DROSHA: variants seen among roughly 807,000 people sequenced by gnomAD.
DROSHA encodes the protein drosha ribonuclease III, also known as ribonuclease 3.
In DROSHA, 56 loss-of-function variants were observed where a neutral mutation model predicts 181.9. The ratio of observed to expected loss-of-function variants is 0.31; its 90% confidence interval spans 0.25 to 0.38. DROSHA has a LOEUF of 0.38. Among genes scored for constraint, DROSHA ranks in the 10% least tolerant of loss-of-function variants. The probability of loss-of-function intolerance (pLI) is 1.00; values close to 1 mark genes in which losing one functional copy is unlikely to be tolerated. For missense variants in DROSHA, 1,218 were observed against 1,743.5 expected (o/e 0.70, Z 5.37); for synonymous variants, 524 against 591.2 (o/e 0.89, Z 1.65).
chr5:31,480,178 G>GTATATCTATATATATATATATATA (rs1750858050), intron 16 of DROSHA, among the ~76,000 whole-genome samples: 1 of 84,870 alleles, frequency 1.2e-5, no homozygotes. Context: ...GGCAATGTCA[G>GTATATCTATATATATATATATATA]TATATATATA....
chr5:31,513,711 A>C (rs1738950924), intron 8 of DROSHA, among the ~76,000 whole-genome samples: 2 of 152,086 alleles, frequency 1.3e-5, no homozygotes, highest in Admixed American at 1.3e-4. Flanking sequence ...TCCAAATAAC[A>C]CAACTCTCTC....
chr5:31,495,063 C>T (rs1429970504), intron 12 of DROSHA, among the ~76,000 whole-genome samples: 2 of 152,040 alleles, frequency 1.3e-5, no homozygotes, highest in Non-Finnish European at 2.9e-5. Context: ...ATGAATTTGG[C>T]TATTAAGTGA....
rs1180769602 is a variant in DROSHA, at chr5:31,406,712, T to G, written c.3947+141A>C. ...CAATTAATGTGGGGACATTAATTCC[T>G]GGAATTCACTTTGCTACTACTCTTG... On this transcript the variant is annotated intron_variant, in intron 34 of 35. Transcript: ENST00000344624. 3 of 724,160 alleles carry G rather than the reference T, an allele frequency of 4.1e-6. No individual in the cohort carries two copies. In the African/African-American group the frequency reaches 5.4e-5, roughly 13 times the overall value. 44.9% of individuals were successfully genotyped at this position (724,160 alleles called of 1,614,324 possible).
At chr5:31,481,569 A>C (rs775286020) in intron 16 of DROSHA, among the ~76,000 whole-genome samples, 2 of 152,228 alleles carry the variant, frequency 1.3e-5, no homozygotes, top group Non-Finnish European at 2.9e-5. Context: ...CATTCACCAG[A>C]AGAGAAGAAA....
intron 24 of DROSHA, 59 bp downstream of exon 24, chr5:31,437,180 T>C (rs1009346413): frequency 6.7e-7 from 1 of 1,493,696 alleles, no homozygotes; most frequent in African/African-American, 1.4e-5. Context: ...ATGTAATAAG[T>C]ATGTTACCTA....
At chr5:31,433,181 C>G (rs637695) in intron 25 of DROSHA, among the ~76,000 whole-genome samples, 44,097 of 151,972 alleles carry the variant, frequency 0.29, 7,996 homozygotes, top group East Asian at 0.51. Context: ...ATTGGAAAAA[C>G]ACAAAGACAA....
chr5:31,472,282 C>T, intron 16 of DROSHA, 50 bp from the exon 17 acceptor site: 13 of 1,519,748 alleles, frequency 8.6e-6, no homozygotes, highest in Middle Eastern at 1.8e-4. Flanking sequence ...GGCTACTCAA[C>T]TTACAGCAAA....
intron 25 of DROSHA, among the ~76,000 whole-genome samples, chr5:31,434,999 C>T (rs1032678235): frequency 1.3e-5 from 2 of 152,176 alleles, no homozygotes; most frequent in Non-Finnish European, 2.9e-5. Flanking sequence ...TCATTTAATT[C>T]TCACAACCAG....
chr5:31,493,112 T>C lies in DROSHA; in HGVS notation c.1842+95A>G. 3 of 1,244,292 alleles carry C rather than the reference T, an allele frequency of 2.4e-6. No individual in the cohort carries two copies. In the South Asian group the frequency reaches 4.1e-5, roughly 17 times the overall value. 77.1% of individuals were successfully genotyped at this position (1,244,292 alleles called of 1,614,324 possible). A position where few individuals can be genotyped will look rare whatever the true frequency, so the allele number is the denominator to read the frequency against. On this transcript the variant is annotated intron_variant, in intron 13 of 35. Coordinates refer to ENST00000344624, the MANE Select transcript of DROSHA (RefSeq NM_001382508.1). The stretch of plus-strand genomic sequence containing the variant: ...AGAGGGATGCAGAGGAAATGTTTCT[T>C]AGGAGGCAGATGACAGGAAATGTTT...
chr5:31,516,402 G>C (rs927137797), intron 6 of DROSHA, among the ~76,000 whole-genome samples: 1 of 152,134 alleles, frequency 6.6e-6, no homozygotes, highest in Admixed American at 6.5e-5. Context: ...CACTAACAAA[G>C]TTACTACTAT....
At chr5:31,520,634 A>C (rs1015346997) in intron 6 of DROSHA, among the ~76,000 whole-genome samples, 1 of 152,102 alleles carries the variant, frequency 6.6e-6, no homozygotes, top group Non-Finnish European at 1.5e-5. Context: ...CTGACCCCGA[A>C]TCTGTCAGAT....
intron 23 of DROSHA, among the ~76,000 whole-genome samples, chr5:31,439,227 A>G (rs1184155101): frequency 6.6e-6 from 1 of 152,254 alleles, no homozygotes; most frequent in Non-Finnish European, 1.5e-5. Context: ...AATTTCAGAA[A>G]TAAACAAGTC....
intron 7 of DROSHA, 71 bp downstream of exon 7, chr5:31,515,383 G>A: frequency 9.8e-7 from 1 of 1,019,152 alleles, no homozygotes; most frequent in Non-Finnish European, 1.4e-6. Context: ...CCAGTCTGGT[G>A]GCATCAGAAT....
intron 20 of DROSHA, 140 bp downstream of exon 20, chr5:31,464,096 A>G: frequency 1.3e-6 from 1 of 747,250 alleles, no homozygotes; most frequent in South Asian, 1.9e-5. Context: ...AATAATAGAA[A>G]ACAATTTATA....
chr5:31,461,558 G>T (rs961570333), intron 20 of DROSHA, among the ~76,000 whole-genome samples: 1 of 152,152 alleles, frequency 6.6e-6, no homozygotes, highest in African/African-American at 2.4e-5. Context: ...TGCATAGTCA[G>T]TGGTTTATTT....
chr5:31,418,263 G>C (rs1330163033), intron 30 of DROSHA, among the ~76,000 whole-genome samples: 1 of 151,904 alleles, frequency 6.6e-6, no homozygotes, highest in Non-Finnish European at 1.5e-5. Context: ...GAGAGAGAGG[G>C]AGACAGAGAG....
intron 27 of DROSHA, 99 bp from the exon 28 acceptor site, chr5:31,424,570 A>C: frequency 7.1e-7 from 1 of 1,398,802 alleles, no homozygotes; most frequent in Non-Finnish European, 9.7e-7. Flanking sequence ...GAACTATTTC[A>C]GACACTGACT....
chr5:31,404,818 T>A lies in DROSHA; in HGVS notation c.3994+859A>T, dbSNP rs202059432. 5.5e-4 allele frequency among the ~76,000 whole-genome samples: 83 copies of A among 152,044 alleles called. No homozygotes were observed. In the East Asian group the frequency reaches 0.012, roughly 22 times the overall value. ...TTGGTGATAATGATTTAAAAAAAAA[T>A]GTCCACCAATAATAAAAAGGCTGAA... On this transcript the variant is annotated intron_variant, in intron 35 of 35. Coordinates refer to ENST00000344624, the MANE Select transcript of DROSHA (RefSeq NM_001382508.1).
chr5:31,476,753 G>A (rs572016930), intron 16 of DROSHA, among the ~76,000 whole-genome samples: 1 of 152,274 alleles, frequency 6.6e-6, no homozygotes, highest in East Asian at 1.9e-4. Context: ...ATAAATTAGA[G>A]ACTCCTGCCA....
Sources: gnomAD v4.1 joint callset for allele counts (sites outside exome capture counted in the v4.1 genomes callset) on GRCh38, gnomAD v4.1.1 for gene constraint, MANE v1.5 for transcripts, NCBI Gene and HGNC (gene_info 2026-07-23, HGNC 2026-07-21) for gene names.